The following ELF4 variants were observed in gnomAD, a reference collection of about 807,000 sequenced individuals.
The protein encoded by ELF4 is ETS-related transcription factor Elf-4.
A neutral mutation model predicts 31.7 loss-of-function variants in ELF4; 10 were observed. The observed-to-expected ratio is 0.32, with a 90% confidence interval of 0.19 to 0.54. The LOEUF (loss-of-function observed/expected upper bound fraction) is 0.54. Ranked by LOEUF, ELF4 falls within the 20% of genes least tolerant of loss-of-function variation. ELF4 has a pLI of 0.95. For missense variants in ELF4, 418 were observed against 522.0 expected (o/e 0.80, Z 1.94); for synonymous variants, 208 against 226.7 (o/e 0.92, Z 0.74).
At position 130,074,779 on chromosome X, in the gene ELF4, A is replaced by T. The variant is rs1337273243; in HGVS notation, c.76-27T>A. The T allele has an allele frequency of 2.5e-6, 3 of 1,206,480 alleles. No individual in the cohort carries two copies. In the African/African-American group the frequency reaches 5.3e-5, roughly 21 times the overall value. On this transcript the variant is annotated intron_variant, in intron 2 of 8. Coordinates refer to ENST00000308167, the MANE Select transcript of ELF4 (RefSeq NM_001421.4). ...TATGGAGAAGACAGGGATGTGATTC[A>T]AGACCCACCCAGCTCTTCCAGCAAA...
chrX:130,083,019 C>T (rs1410854848), intron 1 of ELF4, among the ~76,000 whole-genome samples: 1 of 110,390 alleles, frequency 9.1e-6, no homozygotes, highest in Non-Finnish European at 1.9e-5. Context: ...ACCGCTCTCC[C>T]CCACAGGAGA....
intron 1 of ELF4, among the ~76,000 whole-genome samples, chrX:130,105,854 CTGTGTGTG>C (rs60216838): frequency 0.042 from 3,653 of 86,425 alleles, 113 homozygotes; most frequent in African/African-American, 0.084. Context: ...CCCCAGGGGC[CTGTGTGTG>C]TGTGTGTGTG....
At chrX:130,101,806 C>A (rs1237589260) in intron 1 of ELF4, among the ~76,000 whole-genome samples, 5 of 88,477 alleles carry the variant, frequency 5.7e-5, no homozygotes, top group Non-Finnish European at 1.1e-4. Flanking sequence ...TCTCAAAAAA[C>A]AAAACAAAAC....
At position 130,063,975 on chromosome X, in the gene ELF4, A is replaced by T. The variant is rs1246328263; in HGVS notation, c.*2746T>A. 4.2e-5 allele frequency among the ~76,000 whole-genome samples: 2 copies of T among 47,437 alleles called. No individual in the cohort carries two copies. The highest frequency in any genetic ancestry group is 6.2e-4 in the South Asian group (1 of 1,620). The allele number at this position is 47,437 out of a possible 115,157, so 41.2% of individuals were successfully genotyped here. ...CGGCCTTTTTGTTTGCTTGATTTTTATTATTATTATTATTATTATTATTAT... is the reference window on the plus strand; with the variant it reads ...CGGCCTTTTTGTTTGCTTGATTTTTTTTATTATTATTATTATTATTATTAT... On this transcript the variant is annotated 3_prime_UTR_variant, in exon 9 of 9. Coordinates refer to ENST00000308167, the MANE Select transcript of ELF4 (RefSeq NM_001421.4).
chrX:130,101,987 A>T (rs926223594), intron 1 of ELF4, among the ~76,000 whole-genome samples: 12 of 110,573 alleles, frequency 1.1e-4, no homozygotes, highest in Admixed American at 3.9e-4. Context: ...AAATATATTT[A>T]AAAAAAAATT....
At chrX:130,107,122 C>T (rs1458148999) in intron 1 of ELF4, among the ~76,000 whole-genome samples, 1 of 111,053 alleles carries the variant, frequency 9.0e-6, no homozygotes, top group East Asian at 2.8e-4. Context: ...CTAAAATATA[C>T]AAAAATTAGC....
At chrX:130,110,518 G>C (rs1228070603), upstream of ELF4, 1 of 108,242 alleles carries the variant, frequency 9.2e-6, no homozygotes, top group African/African-American at 3.3e-5. Flanking sequence ...CGCGGCGCCC[G>C]GTCGGTCCCC....
intron 1 of ELF4, among the ~76,000 whole-genome samples, chrX:130,084,892 T>C (rs6637687): frequency 0.33 from 36,989 of 111,288 alleles, 4,696 homozygotes; most frequent in African/African-American, 0.47. Flanking sequence ...GATGCCACCA[T>C]CATAGGAGGT....
chrX:130,109,197 C>T lies in ELF4; in HGVS notation c.-210+1128G>A, dbSNP rs192716934. 2.5e-3 allele frequency among the ~76,000 whole-genome samples: 280 copies of T among 112,030 alleles called. 1 individual carries two copies. The highest frequency in any genetic ancestry group is 9.2e-3 in the Middle Eastern group (2 of 218). On this transcript the variant is annotated intron_variant, in intron 1 of 8. Coordinates refer to ENST00000308167, the MANE Select transcript of ELF4 (RefSeq NM_001421.4). ...GGGTCAGCTGGCAGGGGGTGAGTCC[C>T]CAATGGGCGTGCCCACCAGCTGTTG...
At chrX:130,102,868 G>GAA (rs1339743473) in intron 1 of ELF4, among the ~76,000 whole-genome samples, 78 of 65,403 alleles carry the variant, frequency 1.2e-3, no homozygotes, top group African/African-American at 7.1e-3. Flanking sequence ...GAGAGAGAGA[G>GAA]AGAGAGAGAG....
At chrX:130,104,437 CGAA>C (rs746171333) in intron 1 of ELF4, among the ~76,000 whole-genome samples, 82 of 110,905 alleles carry the variant, frequency 7.4e-4, no homozygotes, top group Non-Finnish European at 1.0e-3. Flanking sequence ...CCCGCATTGC[CGAA>C]GAAGTAGTTG....
chrX:130,074,663 G>A lies in ELF4; in HGVS notation c.165C>T (p.Asp55=), dbSNP rs138080359. Residue 55 remains aspartate, a synonymous_variant, in exon 3 of 9, where the codon GAC becomes GAT. Coordinates refer to ENST00000308167, the MANE Select transcript of ELF4 (RefSeq NM_001421.4). ...CTGTTATGATGCCATTGTGAACGTC[G>A]TCCAACTCCAGTCCCGAGTACAGAT... ...LLHLYSGLEL[D]DVHNGIITDG... 21 of 1,209,653 alleles carry A rather than the reference G, an allele frequency of 1.7e-5. No individual in the cohort carries two copies. In the African/African-American group the frequency reaches 3.2e-4, roughly 18 times the overall value.
chrX:130,067,018 G>A lies in ELF4; in HGVS notation c.1695C>T (p.Thr565=). ...PMEGLLVPEE[T]LRELLRDQAH... is the part of the protein sequence containing the mutation. ...CCTGATCTCTCAGGAGCTCCCTCAG[G>A]GTCTCTTCAGGAACCAGCAGCCCCT... Residue 565 remains threonine, a synonymous_variant, in exon 9 of 9, where the codon ACC becomes ACT. Transcript: ENST00000308167. 8.2e-7 allele frequency: 1 copy of A among 1,212,161 alleles called. No homozygotes were observed. The highest frequency in any genetic ancestry group is 1.7e-5 in the African/African-American group (1 of 57,941).
chrX:130,086,542 G>A (rs759241316), intron 1 of ELF4, among the ~76,000 whole-genome samples: 3 of 112,023 alleles, frequency 2.7e-5, no homozygotes, highest in South Asian at 7.4e-4. Context: ...GCCTAGGGCC[G>A]GGGAGGAGGA....
intron 3 of ELF4, 115 bp from the exon 4 acceptor site, chrX:130,074,256 G>T: frequency 1.2e-6 from 1 of 821,131 alleles, no homozygotes; most frequent in Non-Finnish European, 1.8e-6. Context: ...AGCATCCTTC[G>T]GGCTGACCCT....
intron 2 of ELF4, among the ~76,000 whole-genome samples, chrX:130,077,105 G>A (rs1932841193): frequency 9.0e-6 from 1 of 110,999 alleles, no homozygotes; most frequent in Non-Finnish European, 1.9e-5. Flanking sequence ...CCAGCATCTA[G>A]AGCTGTCCAT....
intron 1 of ELF4, among the ~76,000 whole-genome samples, chrX:130,094,060 C>T (rs774280567): frequency 3.0e-4 from 33 of 111,121 alleles, no homozygotes; most frequent in African/African-American, 1.1e-3. Context: ...GGAGGCACCC[C>T]GTCTCTACTA....
At chrX:130,106,734 C>T (rs1933385660) in intron 1 of ELF4, among the ~76,000 whole-genome samples, 1 of 112,009 alleles carries the variant, frequency 8.9e-6, no homozygotes, top group Non-Finnish European at 1.9e-5. Context: ...AACCTCTTTG[C>T]AGCTTAGAAA....
At chrX:130,072,165 G>GCCCCCCCCCCCC in intron 5 of ELF4, 61 bp downstream of exon 5, 6 of 1,097,851 alleles carry the variant, frequency 5.5e-6, no homozygotes, top group Non-Finnish European at 7.5e-6. Flanking sequence ...AGCCCTGACC[G>GCCCCCCCCCCCC]CCCCCCCACG....
Sources: allele counts gnomAD v4.1 joint callset (sites outside exome capture counted in the v4.1 genomes callset), GRCh38; gene constraint gnomAD v4.1.1; transcripts MANE v1.5; gene names NCBI Gene and HGNC (gene_info 2026-07-23, HGNC 2026-07-21).